BLTP1: variants seen among roughly 807,000 people sequenced by gnomAD.
The protein encoded by BLTP1 is fragile site-associated protein.
chr4:122,223,458 G>A, the BLTP1 span, among the ~76,000 whole-genome samples: 1 of 152,284 alleles, frequency 6.6e-6, no homozygotes, highest in Non-Finnish European at 1.5e-5. Context: ...TCTACTTTTT[G>A]TGGTCACTGT....
chr4:122,261,721 CTT>C, the BLTP1 span: 1 of 983,044 alleles, frequency 1.0e-6, no homozygotes, highest in Non-Finnish European at 1.2e-6. Flanking sequence ...ATGTAAGGGA[CTT>C]TTCTTCATCC....
At chr4:122,256,187 T>C in the BLTP1 span, 1 of 984,708 alleles carries the variant, frequency 1.0e-6, no homozygotes, top group Non-Finnish European at 1.2e-6. Flanking sequence ...GTATTATTAA[T>C]GGCCAGTCAA....
the BLTP1 span, chr4:122,288,966 A>G: frequency 8.6e-7 from 1 of 1,165,028 alleles, no homozygotes; most frequent in South Asian, 1.7e-5. Context: ...TCTTCAATAT[A>G]TTGATTTCAA....
chr4:122,219,438 T>C, the BLTP1 span: 1 of 1,614,178 alleles, frequency 6.2e-7, no homozygotes, highest in South Asian at 1.1e-5. Context: ...CTGGGTGGAC[T>C]GCTGTTGGAA....
the BLTP1 span, among the ~76,000 whole-genome samples, chr4:122,296,000 G>A: frequency 2.6e-5 from 4 of 152,268 alleles, no homozygotes; most frequent in African/African-American, 9.6e-5. Flanking sequence ...AAAGCTGGAA[G>A]CATTCCCCTT....
chr4:122,295,209 A>G, the BLTP1 span, among the ~76,000 whole-genome samples: 95 of 152,320 alleles, frequency 6.2e-4, no homozygotes, highest in African/African-American at 1.9e-3. Context: ...ATCCAGGAGA[A>G]CTTCCCCAAC....
the BLTP1 span, among the ~76,000 whole-genome samples, chr4:122,283,133 A>G: frequency 1.3e-5 from 2 of 152,138 alleles, no homozygotes; most frequent in Non-Finnish European, 2.9e-5. Context: ...CTAGGATAAT[A>G]AAAATATTTT....
chr4:122,325,006 A>C, the BLTP1 span, among the ~76,000 whole-genome samples: 6 of 152,002 alleles, frequency 3.9e-5, no homozygotes, highest in Non-Finnish European at 7.4e-5. Flanking sequence ...CTATAACGTA[A>C]GAAGTATAAA....
At chr4:122,163,950 T>C in the BLTP1 span, among the ~76,000 whole-genome samples, 2 of 152,220 alleles carry the variant, frequency 1.3e-5, no homozygotes, top group South Asian at 4.1e-4. Flanking sequence ...TACTTCCTTA[T>C]TTGTAGTTGT....
At chr4:122,278,125 T>A in the BLTP1 span, among the ~76,000 whole-genome samples, 4 of 152,154 alleles carry the variant, frequency 2.6e-5, no homozygotes, top group African/African-American at 9.7e-5. Flanking sequence ...TTTCAGTTCA[T>A]TCAGTTACGA....
the BLTP1 span, chr4:122,271,366 G>A: frequency 6.2e-7 from 1 of 1,613,662 alleles, no homozygotes; most frequent in Admixed American, 1.7e-5. Context: ...GAAAACATCG[G>A]GACTTTCGTT....
chr4:122,285,310 G>A, the BLTP1 span, among the ~76,000 whole-genome samples: 3 of 152,118 alleles, frequency 2.0e-5, no homozygotes, highest in Non-Finnish European at 4.4e-5. Flanking sequence ...CAGTAACTGA[G>A]GCCTAGGATT....
the BLTP1 span, chr4:122,224,534 C>A: frequency 6.2e-7 from 1 of 1,613,810 alleles, no homozygotes; most frequent in Non-Finnish European, 8.5e-7. Context: ...CAGGGAAGGT[C>A]ACATCAATTT....
the BLTP1 span, chr4:122,238,025 T>A: frequency 2.6e-6 from 4 of 1,512,992 alleles, no homozygotes; most frequent in Non-Finnish European, 3.5e-6. Flanking sequence ...TGGATTAGAT[T>A]GCCATGTTTT....
At chr4:122,197,314 G>A in the BLTP1 span, 3 of 1,272,582 alleles carry the variant, frequency 2.4e-6, no homozygotes, top group Non-Finnish European at 3.2e-6. Context: ...AATAATTAGG[G>A]AAATAATTAT....
the BLTP1 span, chr4:122,246,828 A>C: frequency 6.2e-7 from 1 of 1,608,552 alleles, no homozygotes. Context: ...ATACTTTATT[A>C]ATCTGAGCCA....
the BLTP1 span, among the ~76,000 whole-genome samples, chr4:122,206,631 A>G: frequency 6.6e-6 from 1 of 151,862 alleles, no homozygotes; most frequent in South Asian, 2.1e-4. Context: ...ACTATAAAAA[A>G]TGGTTAAGTA....
the BLTP1 span, chr4:122,315,747 TTTTTTG>T: frequency 6.6e-7 from 1 of 1,525,088 alleles, no homozygotes; most frequent in South Asian, 1.1e-5. Flanking sequence ...GACAGGGATA[TTTTTTG>T]TTCAGTGTTA....
the BLTP1 span, chr4:122,183,042 G>C: frequency 4.1e-6 from 4 of 984,570 alleles, no homozygotes; most frequent in African/African-American, 7.0e-5. Context: ...TTCTCAAAAA[G>C]AAAAAAAGCT....
Sources: gnomAD v4.1 joint callset for allele counts (sites outside exome capture counted in the v4.1 genomes callset) on GRCh38, gnomAD v4.1.1 for gene constraint, MANE v1.5 for transcripts, NCBI Gene and HGNC (gene_info 2026-07-23, HGNC 2026-07-21) for gene names.